ZNF438: variants seen among roughly 807,000 people sequenced by gnomAD.
ZNF438 encodes the protein zinc finger protein 438.
ZNF438 carries 25 observed loss-of-function variants against 38.0 expected under a neutral mutation model. That is an observed-to-expected ratio of 0.66 (90% CI 0.48 to 0.92). The LOEUF is 0.92. ZNF438 is among the 40% of genes least tolerant of loss of function. ZNF438 has a pLI of 0.00. For missense variants in ZNF438, 1,007 were observed against 999.6 expected, an observed-to-expected ratio of 1.01 and a Z score of -0.10; for synonymous variants, 372 against 364.1, an observed-to-expected ratio of 1.02 and a Z score of -0.25.
At chr10:30,893,559 T>TA (rs1488667630) in intron 3 of ZNF438, among the ~76,000 whole-genome samples, 3 of 152,238 alleles carry the variant, frequency 2.0e-5, no homozygotes, top group South Asian at 4.1e-4. Flanking sequence ...AGTAGCCTTT[T>TA]AAAATGTTTT....
chr10:30,902,093 C>T (rs983151003), intron 3 of ZNF438, among the ~76,000 whole-genome samples: 2 of 152,144 alleles, frequency 1.3e-5, no homozygotes, highest in Middle Eastern at 3.4e-3. Context: ...TTGCATAGAG[C>T]GAAAGAACAA....
At chr10:30,873,822 T>C (rs1432341387) in intron 4 of ZNF438, among the ~76,000 whole-genome samples, 2 of 152,178 alleles carry the variant, frequency 1.3e-5, no homozygotes, top group Admixed American at 6.5e-5. Context: ...GGGGACAGTA[T>C]GTTAGTACAG....
At chr10:31,007,961 C>T (rs1398309872) in intron 1 of ZNF438, among the ~76,000 whole-genome samples, 6 of 152,144 alleles carry the variant, frequency 3.9e-5, no homozygotes, top group African/African-American at 1.2e-4. Flanking sequence ...TAAAACTTTA[C>T]GATTCTAAAA....
chr10:30,889,023 C>T (rs1307109502), intron 3 of ZNF438, among the ~76,000 whole-genome samples: 1 of 152,172 alleles, frequency 6.6e-6, no homozygotes, highest in Non-Finnish European at 1.5e-5. Flanking sequence ...TTCTCTTCAA[C>T]CTTGTCAGCA....
At chr10:30,966,511 A>G (rs2050136548) in intron 1 of ZNF438, among the ~76,000 whole-genome samples, 1 of 151,940 alleles carries the variant, frequency 6.6e-6, no homozygotes, top group Admixed American at 6.6e-5. Context: ...TCCACTAAAA[A>G]TACAAAAAAT....
At chr10:30,881,512 C>T (rs1009769536) in intron 3 of ZNF438, among the ~76,000 whole-genome samples, 1 of 151,912 alleles carries the variant, frequency 6.6e-6, no homozygotes, top group Non-Finnish European at 1.5e-5. Context: ...AGATATATAC[C>T]ACATTCAAAG....
chr10:30,860,283 T>A (rs1231885903), intron 4 of ZNF438, among the ~76,000 whole-genome samples: 2 of 152,210 alleles, frequency 1.3e-5, no homozygotes, highest in Non-Finnish European at 2.9e-5. Context: ...ACTCACTCTA[T>A]TAGCATTAGA....
At chr10:31,007,198 G>A (rs1434913970) in intron 1 of ZNF438, among the ~76,000 whole-genome samples, 1 of 151,906 alleles carries the variant, frequency 6.6e-6, no homozygotes, top group Non-Finnish European at 1.5e-5. Flanking sequence ...CAGGATGTCA[G>A]GTCCATTTTG....
Position 31,015,509 on chromosome 10 carries a change from T to A in ZNF438, c.-192+16324A>T, listed in dbSNP as rs373972892. On this transcript the variant is annotated intron_variant, in intron 1 of 5. Coordinates refer to ENST00000413025, the Ensembl canonical transcript of ZNF438. ...AAATACAAAAATTAGCCGGACGTAG[T>A]GGTGTATGCCTGCAATCCCAGCTAC... Among the ~76,000 whole-genome samples, 5 of 152,138 alleles carry A rather than the reference T, an allele frequency of 3.3e-5. No individual in the cohort carries two copies. In the East Asian group the frequency reaches 9.7e-4, roughly 29 times the overall value.
At chr10:30,990,703 C>T (rs889960557) in intron 1 of ZNF438, among the ~76,000 whole-genome samples, 23 of 152,028 alleles carry the variant, frequency 1.5e-4, no homozygotes, top group Admixed American at 1.0e-3. Context: ...ACCACAAATA[C>T]GCACACATTA....
intron 1 of ZNF438, among the ~76,000 whole-genome samples, chr10:31,010,892 G>GAAAAAAAAAAAAAAAAAAAA (rs563189482): frequency 5.4e-5 from 5 of 92,594 alleles, no homozygotes; most frequent in Non-Finnish European, 7.7e-5. Context: ...GACCCTGTTT[G>GAAAAAAAAAAAAAAAAAAAA]AAAAAAAAAA....
intron 4 of ZNF438, among the ~76,000 whole-genome samples, chr10:30,855,216 A>G (rs999590354): frequency 6.6e-6 from 1 of 152,220 alleles, no homozygotes; most frequent in South Asian, 2.1e-4. Flanking sequence ...GACACTCCTG[A>G]GCTCTGTCCT....
At chr10:30,983,771 T>C (rs1455750315) in intron 1 of ZNF438, among the ~76,000 whole-genome samples, 2 of 152,216 alleles carry the variant, frequency 1.3e-5, no homozygotes, top group Non-Finnish European at 2.9e-5. Flanking sequence ...TTCTAAACTA[T>C]ACATTTTGAA....
chr10:30,936,326 A>G (rs1564679544), intron 2 of ZNF438, among the ~76,000 whole-genome samples: 1 of 152,222 alleles, frequency 6.6e-6, no homozygotes, highest in African/African-American at 2.4e-5. Context: ...TAAACAAACC[A>G]TCCACTTTCT....
At chr10:30,916,405 AC>A (rs1302649495) in intron 2 of ZNF438, among the ~76,000 whole-genome samples, 1 of 152,056 alleles carries the variant, frequency 6.6e-6, no homozygotes, top group Non-Finnish European at 1.5e-5. Flanking sequence ...TAAAATGAAC[AC>A]CTGTTTTCCC....
chr10:30,845,329 T>C, exon 6 of ZNF438: 1 of 1,614,174 alleles, frequency 6.2e-7, no homozygotes, highest in South Asian at 1.1e-5. Context: ...GGCTTCCCTC[T>C]CTCAGGATGC....
chr10:30,997,003 A>C lies in ZNF438; in HGVS notation c.-192+34830T>G, dbSNP rs548494723. On this transcript the variant is annotated intron_variant, in intron 1 of 5. Transcript: ENST00000413025. ...AATACCTTGAGATTAGTGAGAACTA[A>C]AACTCAACATACCAAAATTTATTGG... 2.0e-5 allele frequency among the ~76,000 whole-genome samples: 3 copies of C among 152,286 alleles called. No individual in the cohort carries two copies. In the South Asian group the frequency reaches 6.2e-4, roughly 32 times the overall value.
chr10:30,870,737 C>T (rs548762616), intron 4 of ZNF438, among the ~76,000 whole-genome samples: 2,387 of 152,274 alleles, frequency 0.016, 25 homozygotes, highest in Non-Finnish European at 0.025. Context: ...AAGAACCTAT[C>T]CTTGAATATC....
At chr10:31,026,402 C>CAAGA (rs1564366848) in intron 1 of ZNF438, among the ~76,000 whole-genome samples, 16 of 150,960 alleles carry the variant, frequency 1.1e-4, no homozygotes, top group Middle Eastern at 6.8e-3. Flanking sequence ...AAGAAAAAAT[C>CAAGA]AAACAACCCC....
Sources: allele counts gnomAD v4.1 joint callset (sites outside exome capture counted in the v4.1 genomes callset), GRCh38; gene constraint gnomAD v4.1.1; transcripts MANE v1.5; gene names NCBI Gene and HGNC (gene_info 2026-07-23, HGNC 2026-07-21).